NAALADL2: variants seen among roughly 807,000 people sequenced by gnomAD.
NAALADL2 encodes the protein inactive N-acetylated-alpha-linked acidic dipeptidase-like protein 2.
Under a neutral mutation model 87.2 loss-of-function variants are expected in NAALADL2, and 76 were observed. The ratio of observed to expected loss-of-function variants is 0.87; its 90% confidence interval spans 0.72 to 1.05. The LOEUF (loss-of-function observed/expected upper bound fraction) is 1.05, where lower values mean the gene tolerates loss of function less well. NAALADL2 is among the 50% of genes least tolerant of loss of function. NAALADL2 has a pLI of 0.00. For missense variants in NAALADL2, 1,089 were observed against 945.8 expected (o/e 1.15, Z -1.99); for synonymous variants, 354 against 331.0 (o/e 1.07, Z -0.75).
chr3:175,772,538 T>A (rs1168298214), intron 13 of NAALADL2, among the ~76,000 whole-genome samples: 3 of 152,192 alleles, frequency 2.0e-5, no homozygotes, highest in African/African-American at 7.2e-5. Flanking sequence ...AAGTTAGCAC[T>A]GATTTTCACT....
intron 1 of NAALADL2, among the ~76,000 whole-genome samples, chr3:174,892,475 A>G (rs1192311970): frequency 6.6e-6 from 1 of 152,182 alleles, no homozygotes; most frequent in Non-Finnish European, 1.5e-5. Flanking sequence ...AAAAAAGTAC[A>G]TCTGTACGAT....
At chr3:175,761,612 T>A (rs527309687) in intron 13 of NAALADL2, among the ~76,000 whole-genome samples, 1 of 152,322 alleles carries the variant, frequency 6.6e-6, no homozygotes, top group Non-Finnish European at 1.5e-5. Context: ...ATTTTTCTTG[T>A]CCACCAGTAG....
intron 11 of NAALADL2, among the ~76,000 whole-genome samples, chr3:175,728,477 T>C (rs188861425): frequency 6.6e-6 from 1 of 152,054 alleles, no homozygotes; most frequent in Non-Finnish European, 1.5e-5. Flanking sequence ...TGGAAAGGGG[T>C]CGTGAGGACT....
At chr3:174,877,994 T>C (rs1728715823) in intron 1 of NAALADL2, among the ~76,000 whole-genome samples, 1 of 152,060 alleles carries the variant, frequency 6.6e-6, no homozygotes, top group Non-Finnish European at 1.5e-5. Flanking sequence ...AACCAGAGTG[T>C]ACTTAAATAT....
intron 1 of NAALADL2, among the ~76,000 whole-genome samples, chr3:175,013,040 A>G (rs1750076506): frequency 7.9e-6 from 1 of 127,074 alleles, no homozygotes; most frequent in Non-Finnish European, 1.6e-5. Context: ...ATAAATATAT[A>G]ATATATACAT....
intron 9 of NAALADL2, among the ~76,000 whole-genome samples, chr3:175,490,630 C>T (rs1212786352): frequency 6.6e-6 from 1 of 151,318 alleles, no homozygotes; most frequent in Non-Finnish European, 1.5e-5. Flanking sequence ...CTCCTGACCT[C>T]GTGATCTGCC....
chr3:175,644,861 T>C (rs1729780521), intron 11 of NAALADL2, among the ~76,000 whole-genome samples: 1 of 152,160 alleles, frequency 6.6e-6, no homozygotes, highest in Non-Finnish European at 1.5e-5. Context: ...TTCACATTAC[T>C]AGCATCAAAT....
chr3:174,477,886 A>G (rs76387811), intron 1 of NAALADL2, among the ~76,000 whole-genome samples: 2,074 of 152,298 alleles, frequency 0.014, 54 homozygotes, highest in African/African-American at 0.047. Context: ...GAGTATTTCT[A>G]TGGGAACTGT....
chr3:175,738,044 C>T (rs1744749237), intron 12 of NAALADL2, among the ~76,000 whole-genome samples: 1 of 151,960 alleles, frequency 6.6e-6, no homozygotes, highest in South Asian at 2.1e-4. Context: ...TAACCAAATA[C>T]AAAGGGCAGT....
chr3:175,206,327 C>G (rs1740909492), intron 2 of NAALADL2, among the ~76,000 whole-genome samples: 1 of 140,662 alleles, frequency 7.1e-6, no homozygotes. Flanking sequence ...TACATACACA[C>G]ACACACACAT....
chr3:175,456,963 G>GTCTA (rs1342203383), intron 6 of NAALADL2, among the ~76,000 whole-genome samples: 1 of 151,942 alleles, frequency 6.6e-6, no homozygotes, highest in African/African-American at 2.4e-5. Context: ...TCCAATCTGG[G>GTCTA]TCTATCTGAT....
intron 1 of NAALADL2, among the ~76,000 whole-genome samples, chr3:174,942,860 T>C (rs1347565992): frequency 6.6e-6 from 1 of 152,224 alleles, no homozygotes; most frequent in East Asian, 1.9e-4. Context: ...GAAATTCTTG[T>C]ATTTTGTCAT....
rs576810639 is a variant in NAALADL2, at chr3:175,479,272, T to A, written c.1653+7514T>A. On this transcript the variant is annotated intron_variant, in intron 9 of 13. Transcript: ENST00000454872. ...ATGAAAGAAAAGGTAATCAATGTAATAATAATGTTAAATAAATAGTTAAAC... is the reference window on the plus strand; with the variant it reads ...ATGAAAGAAAAGGTAATCAATGTAAAAATAATGTTAAATAAATAGTTAAAC... Among the ~76,000 whole-genome samples the A allele has an allele frequency of 2.0e-5, 3 of 151,998 alleles. No individual in the cohort carries two copies. In the East Asian group the frequency reaches 5.8e-4, roughly 29 times the overall value.
At position 175,443,129 on chromosome 3, in the gene NAALADL2, T is replaced by A. The variant is rs2149209270; in HGVS notation, c.1091-4100T>A. 2.0e-5 allele frequency among the ~76,000 whole-genome samples: 3 copies of A among 152,322 alleles called. No homozygotes were observed. The South Asian group carries it at 6.2e-4, about 32-fold the overall frequency. Reference sequence around the variant, plus strand: ...AATTTAATCTTAGTGTCTTGTAAAGTCCTGCTTTTAGTATCTGCTCTCAGA... The same window carrying A: ...AATTTAATCTTAGTGTCTTGTAAAGACCTGCTTTTAGTATCTGCTCTCAGA... On this transcript the variant is annotated intron_variant, in intron 5 of 13. Transcript: ENST00000454872.
intron 1 of NAALADL2, among the ~76,000 whole-genome samples, chr3:174,866,942 C>A (rs1200031926): frequency 6.6e-5 from 10 of 151,236 alleles, no homozygotes; most frequent in East Asian, 3.9e-4. Context: ...ATCTTTTTTT[C>A]TTTTCTAGAT....
intron 1 of NAALADL2, among the ~76,000 whole-genome samples, chr3:175,007,150 T>TAAAAAAA (rs397877957): frequency 7.1e-5 from 5 of 70,364 alleles, no homozygotes; most frequent in Non-Finnish European, 7.3e-5. Context: ...TTTTATAGGA[T>TAAAAAAA]AAAAAAAAAA....
At chr3:175,282,054 T>A (rs536436824) in intron 4 of NAALADL2, among the ~76,000 whole-genome samples, 134 of 152,192 alleles carry the variant, frequency 8.8e-4, no homozygotes, top group African/African-American at 3.0e-3. Context: ...AATTAAGGAA[T>A]GATTAGTTAC....
chr3:174,787,600 T>TATATATATATATACACAC (rs1716913143), intron 3 of NAALADL2, among the ~76,000 whole-genome samples: 3 of 68,474 alleles, frequency 4.4e-5, no homozygotes, highest in African/African-American at 1.3e-4. Context: ...TATATATATA[T>TATATATATATATACACAC]ATATATATAT....
At chr3:175,438,760 CT>C (rs1719182806) in intron 5 of NAALADL2, among the ~76,000 whole-genome samples, 1 of 151,974 alleles carries the variant, frequency 6.6e-6, no homozygotes, top group African/African-American at 2.4e-5. Context: ...AATTTTTATC[CT>C]TGCACCACCA....
Sources: allele counts gnomAD v4.1 joint callset (sites outside exome capture counted in the v4.1 genomes callset), GRCh38; gene constraint gnomAD v4.1.1; transcripts MANE v1.5; gene names NCBI Gene and HGNC (gene_info 2026-07-23, HGNC 2026-07-21).